STXBP5L: variants seen among roughly 807,000 people sequenced by gnomAD.
The protein encoded by STXBP5L is syntaxin-binding protein 5-like.
Under a neutral mutation model 144.5 loss-of-function variants are expected in STXBP5L, and 65 were observed. That is an observed-to-expected ratio of 0.45 (90% CI 0.37 to 0.55). The LOEUF (loss-of-function observed/expected upper bound fraction) is 0.55. STXBP5L is among the 20% of genes least tolerant of loss of function. The probability of loss-of-function intolerance (pLI) is 0.00; values close to 1 mark genes in which losing one functional copy is unlikely to be tolerated. For synonymous variants in STXBP5L, 505 were observed against 469.6 expected (o/e 1.08, Z -0.97); for missense variants, 1,298 against 1,405.5 (o/e 0.92, Z 1.22).
intron 3 of STXBP5L, among the ~76,000 whole-genome samples, chr3:121,027,331 G>A (rs974687162): frequency 4.6e-5 from 7 of 151,992 alleles, no homozygotes; most frequent in African/African-American, 1.7e-4. Context: ...AGTCACCCCC[G>A]TGGGATATCA....
intron 9 of STXBP5L, among the ~76,000 whole-genome samples, chr3:121,171,480 C>T (rs1453443347): frequency 6.6e-6 from 1 of 152,144 alleles, no homozygotes; most frequent in Non-Finnish European, 1.5e-5. Context: ...CCCAAAATCT[C>T]CTTAAGCTGA....
intron 5 of STXBP5L, among the ~76,000 whole-genome samples, chr3:121,096,441 G>T (rs2043133515): frequency 6.6e-6 from 1 of 152,240 alleles, no homozygotes; most frequent in African/African-American, 2.4e-5. Flanking sequence ...AGGTGTTCTG[G>T]TTTTTGGAAT....
chr3:121,307,194 A>G (rs747242624), intron 19 of STXBP5L, among the ~76,000 whole-genome samples: 35 of 152,346 alleles, frequency 2.3e-4, no homozygotes, highest in Non-Finnish European at 3.4e-4. Context: ...GAGAGGAATC[A>G]GTCGTCAGTA....
chr3:121,398,364 G>A (rs2046786046), intron 22 of STXBP5L, among the ~76,000 whole-genome samples: 1 of 152,198 alleles, frequency 6.6e-6, no homozygotes, highest in African/African-American at 2.4e-5. Flanking sequence ...ATCTACTGCG[G>A]CACTACCGGC....
chr3:121,088,367 A>G (rs1291763536), intron 5 of STXBP5L, among the ~76,000 whole-genome samples: 4 of 115,012 alleles, frequency 3.5e-5, no homozygotes, highest in African/African-American at 1.4e-4. Flanking sequence ...GCCATCAGAG[A>G]AATGCAAATC....
At chr3:121,042,037 G>C (rs1171840937) in intron 4 of STXBP5L, among the ~76,000 whole-genome samples, 1 of 151,932 alleles carries the variant, frequency 6.6e-6, no homozygotes, top group East Asian at 1.9e-4. Flanking sequence ...TTTAAATTAA[G>C]AAAAAATCCT....
intron 18 of STXBP5L, among the ~76,000 whole-genome samples, chr3:121,267,726 C>T (rs878917915): frequency 6.6e-6 from 1 of 151,884 alleles, no homozygotes; most frequent in Admixed American, 6.6e-5. Flanking sequence ...AAAAAACAAC[C>T]CCATCAAAAA....
chr3:121,069,117 T>C (rs900441005), intron 5 of STXBP5L, among the ~76,000 whole-genome samples: 2 of 152,184 alleles, frequency 1.3e-5, no homozygotes, highest in African/African-American at 4.8e-5. Context: ...ACAAAGATTG[T>C]TCTTGTGCTA....
At chr3:121,301,022 C>T (rs576348379) in intron 19 of STXBP5L, among the ~76,000 whole-genome samples, 1 of 152,156 alleles carries the variant, frequency 6.6e-6, no homozygotes, top group African/African-American at 2.4e-5. Context: ...ATTGATTTGG[C>T]AATGCGGGAT....
intron 21 of STXBP5L, among the ~76,000 whole-genome samples, chr3:121,379,417 C>T (rs1044767584): frequency 4.0e-5 from 6 of 151,854 alleles, no homozygotes; most frequent in African/African-American, 2.4e-5. Context: ...AGCCAGAGAC[C>T]AGAAATTTTT....
chr3:121,340,265 A>G (rs1055694723), intron 20 of STXBP5L, among the ~76,000 whole-genome samples: 2 of 152,118 alleles, frequency 1.3e-5, no homozygotes, highest in African/African-American at 4.8e-5. Flanking sequence ...TTACAACCAA[A>G]TGATCTTTGA....
At chr3:121,222,421 C>G (rs868526311) in intron 10 of STXBP5L, among the ~76,000 whole-genome samples, 2 of 152,144 alleles carry the variant, frequency 1.3e-5, no homozygotes, top group Non-Finnish European at 2.9e-5. Context: ...ATAGAAAAGG[C>G]AATTTATCTT....
chr3:121,282,541 A>G (rs902711779), intron 19 of STXBP5L, among the ~76,000 whole-genome samples: 4 of 151,922 alleles, frequency 2.6e-5, no homozygotes, highest in Non-Finnish European at 1.5e-5. Context: ...TACCCATTCA[A>G]TCATACCCAT....
At chr3:121,038,837 G>A (rs1400610261) in intron 3 of STXBP5L, among the ~76,000 whole-genome samples, 1 of 151,662 alleles carries the variant, frequency 6.6e-6, no homozygotes, top group African/African-American at 2.4e-5. Context: ...TTATTATGAA[G>A]TGACCACCTT....
At chr3:120,979,281 C>T (rs1302910251) in intron 3 of STXBP5L, among the ~76,000 whole-genome samples, 1 of 152,200 alleles carries the variant, frequency 6.6e-6, no homozygotes, top group African/African-American at 2.4e-5. Context: ...CTCACTGCCG[C>T]CTTGCAGTTT....
At chr3:121,117,133 A>G (rs2044265452) in intron 6 of STXBP5L, among the ~76,000 whole-genome samples, 3 of 151,854 alleles carry the variant, frequency 2.0e-5, no homozygotes, top group Non-Finnish European at 4.4e-5. Context: ...CAATTTCAAG[A>G]CTAATGAAGA....
At chr3:121,006,765 G>T (rs533993216) in intron 3 of STXBP5L, among the ~76,000 whole-genome samples, 1 of 152,068 alleles carries the variant, frequency 6.6e-6, no homozygotes, top group South Asian at 2.1e-4. Context: ...AAATCTCTCA[G>T]CATTTGCTTG....
intron 5 of STXBP5L, chr3:121,099,335 A>C (rs2043298269): frequency 6.6e-6 from 1 of 152,262 alleles, no homozygotes; most frequent in Non-Finnish European, 1.5e-5. Context: ...GAGAACTGCA[A>C]GCACCTGGGC....
intron 5 of STXBP5L, among the ~76,000 whole-genome samples, chr3:121,064,218 A>G (rs761420607): frequency 2.4e-4 from 37 of 152,128 alleles, no homozygotes; most frequent in Non-Finnish European, 4.7e-4. Flanking sequence ...TCCCTTGGCT[A>G]AGGTAGGGAG....
Sources: gnomAD v4.1 joint callset for allele counts (sites outside exome capture counted in the v4.1 genomes callset) on GRCh38, gnomAD v4.1.1 for gene constraint, MANE v1.5 for transcripts, NCBI Gene and HGNC (gene_info 2026-07-23, HGNC 2026-07-21) for gene names.